F2RL1: variants seen among roughly 807,000 people sequenced by gnomAD.
The protein encoded by F2RL1 is F2R like trypsin receptor 1, also known as proteinase-activated receptor 2.
F2RL1 carries 16 observed loss-of-function variants against 21.7 expected under a neutral mutation model. That is an observed-to-expected ratio of 0.74 (90% CI 0.50 to 1.12). The LOEUF is 1.12. Among genes scored for constraint, F2RL1 ranks in the 50% most tolerant of loss-of-function variants. The pLI is 0.00. For synonymous variants in F2RL1, 181 were observed against 186.7 expected, an observed-to-expected ratio of 0.97 and a Z score of 0.25; for missense variants, 432 against 477.8, an observed-to-expected ratio of 0.90 and a Z score of 0.89.
Position 76,832,748 on chromosome 5 carries a change from C to T in F2RL1, c.141C>T (p.His47=), listed in dbSNP as rs148375929. The T allele has an allele frequency of 1.1e-5, 18 of 1,614,132 alleles. No homozygotes were observed. Among genetic ancestry groups the T allele is most frequent in the Middle Eastern group, 3.3e-4 (2 of 6,062 alleles). ...TTGGTAAGGTTGATGGCACATCCCACGTCACTGGAAAAGGAGTTACAGTTG... is the reference window on the plus strand; with the variant it reads ...TTGGTAAGGTTGATGGCACATCCCATGTCACTGGAAAAGGAGTTACAGTTG... The part of the protein sequence containing the change: ...SLIGKVDGTS[H]VTGKGVTVET... Residue 47 remains histidine, a synonymous_variant, in exon 2 of 2, where the codon CAC becomes CAT. Transcript: ENST00000296677.
At chr5:76,819,696 C>T (rs2242993) in intron 1 of F2RL1, among the ~76,000 whole-genome samples, 51,772 of 151,910 alleles carry the variant, frequency 0.34, 9,399 homozygotes, top group South Asian at 0.43. Flanking sequence ...CGGAGACTTC[C>T]TCCGCTGGCC....
At chr5:76,819,854 G>T (rs1027132152) in intron 1 of F2RL1, among the ~76,000 whole-genome samples, 2 of 152,076 alleles carry the variant, frequency 1.3e-5, no homozygotes, top group Non-Finnish European at 2.9e-5. Flanking sequence ...CTGCGTTCGA[G>T]ACCCACCCGG....
chr5:76,822,684 A>G (rs150433313), intron 1 of F2RL1, among the ~76,000 whole-genome samples: 65 of 152,300 alleles, frequency 4.3e-4, no homozygotes, highest in Non-Finnish European at 6.6e-4. Flanking sequence ...GTTGAAGAAA[A>G]CAGTTCATTC....
At position 76,832,212 on chromosome 5, in the gene F2RL1, C is replaced by G. The variant is rs1219016961; in HGVS notation, c.83-478C>G. Among the ~76,000 whole-genome samples the G allele has an allele frequency of 2.0e-5, 3 of 152,034 alleles. No homozygotes were observed. The East Asian group carries it at 5.8e-4, about 29-fold the overall frequency. ...AAAAACCCATAAAACCAAACTAAAC[C>G]AGACAATAGAAATCCCAATAATCTC... On this transcript the variant is annotated intron_variant, in intron 1 of 1. Coordinates refer to ENST00000296677, the MANE Select transcript of F2RL1 (RefSeq NM_005242.6).
intron 1 of F2RL1, among the ~76,000 whole-genome samples, chr5:76,828,649 C>A (rs1215825295): frequency 8.4e-6 from 1 of 118,728 alleles, no homozygotes; most frequent in Non-Finnish European, 1.8e-5. Flanking sequence ...CCATGCCTGG[C>A]TAATTTTTTT....
At chr5:76,819,902 G>A (rs1184411625) in intron 1 of F2RL1, among the ~76,000 whole-genome samples, 1 of 152,176 alleles carries the variant, frequency 6.6e-6, no homozygotes, top group Admixed American at 6.5e-5. Context: ...GAAGGCCCGG[G>A]GTATGAAAGT....
At position 76,832,896 on chromosome 5, in the gene F2RL1, C is replaced by T. The variant is rs759298164; in HGVS notation, c.289C>T (p.Leu97=). The T allele has an allele frequency of 6.2e-6, 10 of 1,614,200 alleles. No individual in the cohort carries two copies. In the East Asian group the frequency reaches 1.6e-4, roughly 25 times the overall value. ...GGGTTTGCCAAGTAACGGCATGGCC[C>T]TGTGGGTCTTTCTTTTCCGAACTAA... ...VVGLPSNGMA[L]WVFLFRTKKK... Residue 97 remains leucine, a synonymous_variant, in exon 2 of 2, where the codon CTG becomes TTG. Transcript: ENST00000296677.
rs2243063 is a variant in F2RL1, at chr5:76,833,830, A to G, written c.*29A>G. ...TTCCAGGTCCTCAGATGGGAATTGC[A>G]CAGTAGGATGTGGAACCTGTTTAAT... On this transcript the variant is annotated 3_prime_UTR_variant, in exon 2 of 2. Transcript: ENST00000296677. 2.5e-3 allele frequency: 4,051 copies of G among 1,600,194 alleles called. 89 individuals carry two copies. In the African/African-American group the frequency reaches 0.048, roughly 19 times the overall value.
intron 1 of F2RL1, among the ~76,000 whole-genome samples, chr5:76,830,148 A>G (rs1297106305): frequency 1.3e-5 from 2 of 152,218 alleles, no homozygotes; most frequent in Non-Finnish European, 1.5e-5. Flanking sequence ...TCCAGCTTGC[A>G]GTGGCTGCTG....
chr5:76,821,781 T>C (rs1373155927), intron 1 of F2RL1, among the ~76,000 whole-genome samples: 1 of 151,986 alleles, frequency 6.6e-6, no homozygotes, highest in East Asian at 1.9e-4. Context: ...GGTTTCACCA[T>C]ATTGGTCAGG....
At chr5:76,824,840 CA>C (rs1284573046) in intron 1 of F2RL1, among the ~76,000 whole-genome samples, 3 of 151,922 alleles carry the variant, frequency 2.0e-5, no homozygotes, top group Admixed American at 6.6e-5. Context: ...AATATTATAT[CA>C]ATTTATATTC....
chr5:76,821,032 CT>C (rs2243001), intron 1 of F2RL1, among the ~76,000 whole-genome samples: 1,820 of 152,262 alleles, frequency 0.012, 48 homozygotes, highest in African/African-American at 0.042. Flanking sequence ...TGCTCACTCG[CT>C]TTTTAGCCGG....
intron 1 of F2RL1, among the ~76,000 whole-genome samples, chr5:76,824,379 T>A (rs1750202150): frequency 6.6e-6 from 1 of 151,410 alleles, no homozygotes; most frequent in Non-Finnish European, 1.5e-5. Flanking sequence ...TCACCCAGGC[T>A]GGAGTGCAGT....
intron 1 of F2RL1, among the ~76,000 whole-genome samples, chr5:76,826,342 GT>G (rs1303878542): frequency 6.6e-6 from 1 of 152,142 alleles, no homozygotes; most frequent in Non-Finnish European, 1.5e-5. Flanking sequence ...CAGTTTAGCT[GT>G]CATTCACCAA....
At chr5:76,830,738 G>A (rs1245285336) in intron 1 of F2RL1, among the ~76,000 whole-genome samples, 2 of 152,050 alleles carry the variant, frequency 1.3e-5, no homozygotes, top group Non-Finnish European at 2.9e-5. Flanking sequence ...TTCTCTTTTG[G>A]GGGCACCACC....
At position 76,833,440 on chromosome 5, in the gene F2RL1, C is replaced by A; in HGVS notation, c.833C>A (p.Ser278Ter). 6.2e-7 allele frequency: 1 copy of A among 1,613,900 alleles called. No individual in the cohort carries two copies. Among genetic ancestry groups the A allele is most frequent in the Non-Finnish European group, 8.5e-7 (1 of 1,180,002 alleles). Reference sequence around the variant, plus strand: ...CGATCTTCTGCCATGGATGAAAACTCAGAGAAGAAAAGGAAGAGGGCCATC... The same window carrying A: ...CGATCTTCTGCCATGGATGAAAACTAAGAGAAGAAAAGGAAGAGGGCCATC... ...MLRSSAMDEN[S>*]EKKRKRAIKL... is the part of the protein sequence containing the mutation. The change falls in exon 2 of 2, where the codon TCA becomes TAA. Residue 278 changes from serine to a stop codon, truncating the protein, a stop_gained. Transcript: ENST00000296677. LOFTEE classifies it high-confidence loss of function.
chr5:76,829,877 CTG>C (rs1459607105), intron 1 of F2RL1, among the ~76,000 whole-genome samples: 1 of 152,088 alleles, frequency 6.6e-6, no homozygotes, highest in African/African-American at 2.4e-5. Flanking sequence ...TTGAAGAACA[CTG>C]TAATATGTAG....
At chr5:76,824,419 C>T (rs961957593) in intron 1 of F2RL1, among the ~76,000 whole-genome samples, 1 of 151,732 alleles carries the variant, frequency 6.6e-6, no homozygotes, top group African/African-American at 2.4e-5. Flanking sequence ...GCAACCTCCG[C>T]CTCCCAGGTT....
chr5:76,833,130 TGGGTCATC>T lies in F2RL1; in HGVS notation c.525_532del (p.Trp175CysfsTer51). The stretch of plus-strand genomic sequence containing the variant: ...GACCTGCCTCAGTGTGCAGAGGTAT[TGGGTCATC>T]GTGAACCCCATGGGGCACTCCAGGA... On this transcript the variant is annotated frameshift_variant, in exon 2 of 2. Transcript: ENST00000296677. LOFTEE classifies it high-confidence loss of function. 1 of 1,614,236 alleles carries T rather than the reference TGGGTCATC, an allele frequency of 6.2e-7. No homozygotes were observed. Among genetic ancestry groups the T allele is most frequent in the Non-Finnish European group, 8.5e-7 (1 of 1,180,044 alleles).
Sources: gnomAD v4.1 joint callset for allele counts (sites outside exome capture counted in the v4.1 genomes callset) on GRCh38, gnomAD v4.1.1 for gene constraint, MANE v1.5 for transcripts, NCBI Gene and HGNC (gene_info 2026-07-23, HGNC 2026-07-21) for gene names.